Variants in EPHA6 observed in about 807,000 individuals in gnomAD.
EPHA6 encodes the protein EPH receptor A6.
A neutral mutation model predicts 112.0 loss-of-function variants in EPHA6; 50 were observed. The ratio of observed to expected loss-of-function variants is 0.45; its 90% CI spans 0.36 to 0.56. EPHA6 has a LOEUF of 0.56. Ranked by LOEUF, EPHA6 falls within the 20% of genes least tolerant of loss-of-function variation. The pLI is 0.00. For missense variants in EPHA6, 1,280 were observed against 1,417.4 expected (o/e 0.90, Z 1.56); for synonymous variants, 529 against 490.7 (o/e 1.08, Z -1.03).
At chr3:97,229,316 T>C (rs1371881712) in intron 4 of EPHA6, among the ~76,000 whole-genome samples, 2 of 152,168 alleles carry the variant, frequency 1.3e-5, no homozygotes, top group Non-Finnish European at 2.9e-5. Flanking sequence ...GAAGAATTTT[T>C]CTGATGTTAT....
chr3:97,473,217 T>A (rs1310432088), intron 7 of EPHA6, among the ~76,000 whole-genome samples: 1 of 151,736 alleles, frequency 6.6e-6, no homozygotes, highest in Non-Finnish European at 1.5e-5. Context: ...CTAATAAGAG[T>A]ATTTAACACA....
intron 15 of EPHA6, among the ~76,000 whole-genome samples, chr3:97,727,417 T>G (rs550380582): frequency 4.6e-5 from 7 of 152,094 alleles, no homozygotes; most frequent in Non-Finnish European, 7.4e-5. Flanking sequence ...ACTTCCTGTT[T>G]GTCCTCATAA....
chr3:96,907,104 A>T (rs959359435), intron 2 of EPHA6, among the ~76,000 whole-genome samples: 1 of 151,712 alleles, frequency 6.6e-6, no homozygotes, highest in Non-Finnish European at 1.5e-5. Flanking sequence ...TAATGAAAGG[A>T]TCTGCAGAAA....
chr3:97,132,396 T>C, intron 3 of EPHA6, among the ~76,000 whole-genome samples: 1 of 152,060 alleles, frequency 6.6e-6, no homozygotes, highest in South Asian at 2.1e-4. Context: ...GAATCCTAAC[T>C]TACGGGAGGT....
intron 3 of EPHA6, among the ~76,000 whole-genome samples, chr3:97,114,488 T>C (rs1470537432): frequency 6.6e-6 from 1 of 152,022 alleles, no homozygotes; most frequent in Admixed American, 6.6e-5. Context: ...CACCTGGTTA[T>C]ATAATCGTCA....
chr3:97,040,006 A>C (rs901984409), intron 3 of EPHA6, among the ~76,000 whole-genome samples: 1 of 151,964 alleles, frequency 6.6e-6, no homozygotes, highest in Non-Finnish European at 1.5e-5. Flanking sequence ...GAGACATACT[A>C]TTGACTCCAG....
intron 6 of EPHA6, among the ~76,000 whole-genome samples, chr3:97,442,964 A>G (rs1397373628): frequency 6.6e-6 from 1 of 152,162 alleles, no homozygotes; most frequent in East Asian, 1.9e-4. Flanking sequence ...CTAATGCCAT[A>G]GTTCAGGCAA....
At chr3:97,730,299 C>A (rs2034980050) in intron 15 of EPHA6, among the ~76,000 whole-genome samples, 1 of 152,042 alleles carries the variant, frequency 6.6e-6, no homozygotes, top group South Asian at 2.1e-4. Flanking sequence ...TCTGTTGATT[C>A]TAGGTTGTTA....
At chr3:97,439,603 C>A in intron 6 of EPHA6, 4 of 1,005,654 alleles carry the variant, frequency 4.0e-6, no homozygotes, top group Non-Finnish European at 4.8e-6. Context: ...AATGGAGAAT[C>A]CAAGGCAGAG....
chr3:96,845,892 G>A (rs2035046883), intron 1 of EPHA6, among the ~76,000 whole-genome samples: 1 of 151,842 alleles, frequency 6.6e-6, no homozygotes, highest in Non-Finnish European at 1.5e-5. Context: ...CGATGTATTA[G>A]AACATCTATT....
intron 5 of EPHA6, among the ~76,000 whole-genome samples, chr3:97,283,192 C>T (rs892307419): frequency 6.6e-6 from 1 of 151,894 alleles, no homozygotes; most frequent in African/African-American, 2.4e-5. Context: ...CTGTCAACAA[C>T]TTTTTTTTAA....
chr3:97,112,550 G>A (rs2047754960), intron 3 of EPHA6, among the ~76,000 whole-genome samples: 1 of 151,994 alleles, frequency 6.6e-6, no homozygotes, highest in Non-Finnish European at 1.5e-5. Context: ...GATAGTTTCT[G>A]TTGTATCATA....
chr3:96,930,952 A>G (rs2107655460), intron 2 of EPHA6, among the ~76,000 whole-genome samples: 1 of 134,062 alleles, frequency 7.5e-6, no homozygotes, highest in African/African-American at 2.7e-5. Flanking sequence ...AGGTCACAAC[A>G]TTGCACTACA....
chr3:96,884,246 T>G (rs2037492869), intron 2 of EPHA6, among the ~76,000 whole-genome samples: 1 of 152,168 alleles, frequency 6.6e-6, no homozygotes, highest in Non-Finnish European at 1.5e-5. Context: ...TTTTTTCTAA[T>G]TTTTTGAAGA....
In EPHA6 at chr3:97,753,886, T is replaced by C. The variant is rs2035959188; in HGVS notation, c.*5185T>C. On this transcript the variant is annotated 3_prime_UTR_variant, in exon 18 of 18. Coordinates refer to ENST00000389672, the MANE Select transcript of EPHA6 (RefSeq NM_001080448.3). ...ACTGATGAGATGTAGCAAAGATTTC[T>C]CAGGATAAAAATTAACTTTTTTTGT... is the stretch of plus-strand genomic sequence containing the variant. 6.6e-6 allele frequency among the ~76,000 whole-genome samples: 1 copy of C among 152,098 alleles called. No individual in the cohort carries two copies. The highest frequency in any genetic ancestry group is 2.4e-5 in the African/African-American group (1 of 41,430).
chr3:97,671,738 G>C (rs2030857435), intron 14 of EPHA6, among the ~76,000 whole-genome samples: 1 of 151,946 alleles, frequency 6.6e-6, no homozygotes, highest in Admixed American at 6.6e-5. Context: ...TTGTTTGTTT[G>C]TTTAAGTGTT....
intron 5 of EPHA6, among the ~76,000 whole-genome samples, chr3:97,400,854 T>A (rs1481865535): frequency 6.6e-6 from 1 of 151,808 alleles, no homozygotes; most frequent in Non-Finnish European, 1.5e-5. Flanking sequence ...GATCATGAGA[T>A]CTGCAATTAG....
At chr3:97,265,657 G>A (rs1310619738) in intron 5 of EPHA6, among the ~76,000 whole-genome samples, 1 of 152,176 alleles carries the variant, frequency 6.6e-6, no homozygotes, top group Non-Finnish European at 1.5e-5. Flanking sequence ...TCCTCTGCCT[G>A]GGAGGGTGGT....
intron 3 of EPHA6, among the ~76,000 whole-genome samples, chr3:97,048,941 C>T (rs1486571139): frequency 6.6e-6 from 1 of 152,118 alleles, no homozygotes; most frequent in Admixed American, 6.6e-5. Context: ...GAAAAGGTCT[C>T]ATTCTGAAGA....
Sources: gnomAD v4.1 joint callset for allele counts (sites outside exome capture counted in the v4.1 genomes callset) on GRCh38, gnomAD v4.1.1 for gene constraint, MANE v1.5 for transcripts, NCBI Gene and HGNC (gene_info 2026-07-23, HGNC 2026-07-21) for gene names.